Variants in RPL19 observed in about 807,000 individuals in gnomAD.
The protein encoded by RPL19 is ribosomal protein L19.
RPL19 carries 2 observed loss-of-function variants against 25.1 expected under a neutral mutation model. The ratio of observed to expected loss-of-function variants is 0.08; its 90% CI spans 0.03 to 0.25. RPL19 has a LOEUF of 0.25. RPL19 is among the 10% of genes least tolerant of loss of function. The pLI is 1.00. For missense variants in RPL19, 123 were observed against 271.8 expected (o/e 0.45, Z 3.85); for synonymous variants, 89 against 91.2 (o/e 0.98, Z 0.14).
chr17:39,202,910 C>G lies in RPL19; in HGVS notation c.236-79C>G, dbSNP rs1183298471. 6 of 1,529,532 alleles carry G rather than the reference C, an allele frequency of 3.9e-6. No homozygotes were observed. The East Asian group carries it at 9.1e-5, about 23-fold the overall frequency. The allele number at this position is 1,529,532 out of a possible 1,614,324, so 94.7% of individuals were successfully genotyped here. ...GGATTAAATGAGTTAAGGACCCTGA[C>G]TTGAAACTATATTCACTTGGTGTAC... On this transcript the variant is annotated intron_variant, in intron 3 of 5. Coordinates refer to ENST00000225430, the MANE Select transcript of RPL19 (RefSeq NM_000981.4).
chr17:39,202,714 C>T (rs1036049072), intron 3 of RPL19: 7 of 590,266 alleles, frequency 1.2e-5, no homozygotes, highest in Middle Eastern at 4.4e-4. Flanking sequence ...CTCCTTACAA[C>T]GTGCTGTGTT....
chr17:39,200,676 C>A (rs906396962), intron 1 of RPL19: 3 of 1,119,260 alleles, frequency 2.7e-6, no homozygotes, highest in Non-Finnish European at 3.3e-6. Context: ...GGAGCGGAGC[C>A]GATCTCTGCT....
intron 1 of RPL19, 146 bp downstream of exon 1, chr17:39,200,495 T>A (rs1015108193): frequency 3.9e-6 from 5 of 1,296,692 alleles, no homozygotes; most frequent in Non-Finnish European, 4.9e-6. Context: ...CGGAGCACTT[T>A]CGTCCCGGGC....
chr17:39,202,471 A>G lies in RPL19; in HGVS notation c.235+32A>G, dbSNP rs770230570. 4.3e-6 allele frequency: 7 copies of G among 1,613,352 alleles called. No individual in the cohort carries two copies. In the East Asian group the frequency reaches 1.6e-4, roughly 36 times the overall value. ...GTGGTCATCTTCTCCTTAAGAAATG[A>G]TAGGTGCTGGCATCTATGCTGAAAT... is the stretch of plus-strand genomic sequence containing the variant. On this transcript the variant is annotated intron_variant, in intron 3 of 5. Transcript: ENST00000225430.
intron 4 of RPL19, 114 bp downstream of exon 4, chr17:39,203,223 C>T (rs1201614498): frequency 2.5e-6 from 3 of 1,185,984 alleles, no homozygotes; most frequent in Non-Finnish European, 3.5e-6. Flanking sequence ...GCTCTGTCAC[C>T]CAGGCTGGAG....
chr17:39,204,166 A>C lies in RPL19; in HGVS notation c.446A>C (p.Lys149Thr). Reference protein sequence around the residue: ...MEHIHKLKADKARKKLLADQA... With the variant: ...MEHIHKLKADTARKKLLADQA... ...CACATCCACAAGCTGAAGGCAGACA[A>C]GGCCCGCAAGAAGCTCCTGGCGTAA... is the stretch of plus-strand genomic sequence containing the variant. The change falls in exon 5 of 6, where the codon AAG becomes ACG. Residue 149 changes from lysine (K) to threonine (T), a missense_variant. Transcript: ENST00000225430. 1 of 1,610,352 alleles carries C rather than the reference A, an allele frequency of 6.2e-7. No individual in the cohort carries two copies. Among genetic ancestry groups the C allele is most frequent in the Non-Finnish European group, 8.5e-7 (1 of 1,176,632 alleles).
intron 2 of RPL19, 44 bp downstream of exon 2, chr17:39,201,363 C>T (rs1428633558): frequency 1.8e-6 from 2 of 1,122,202 alleles, no homozygotes; most frequent in Admixed American, 3.9e-5. Flanking sequence ...TCCTTCTTTT[C>T]TCCTGCGTCA....
chr17:39,200,466 C>A, intron 1 of RPL19, 117 bp downstream of exon 1: 1 of 1,328,594 alleles, frequency 7.5e-7, no homozygotes, highest in South Asian at 1.9e-5. Flanking sequence ...AGCGGCCGGT[C>A]CCGGGGTTTG....
chr17:39,204,227 C>G (rs775317179), intron 5 of RPL19, 40 bp downstream of exon 5: 13 of 1,260,416 alleles, frequency 1.0e-5, no homozygotes, highest in Non-Finnish European at 1.5e-5. Flanking sequence ...CATTCTTAGA[C>G]CTTTGAGAGT....
rs1597725740 is a variant in RPL19, at chr17:39,201,130, C to T, written c.6-83C>T. The T allele has an allele frequency of 3.4e-6, 3 of 876,766 alleles. 1 individual carries two copies. Among genetic ancestry groups the T allele is most frequent in the Admixed American group, 4.1e-5 (2 of 48,864 alleles). The allele number at this position is 876,766 out of a possible 1,614,324, so 54.3% of individuals were successfully genotyped here. The stretch of plus-strand genomic sequence containing the variant: ...CTTATTTCGCGGCTGTGGTGTGGGT[C>T]ACAAAGGGCAGGTCTTGATGGGGAC... On this transcript the variant is annotated intron_variant, in intron 1 of 5. Transcript: ENST00000225430.
Position 39,204,687 on chromosome 17 carries a change from T to G in RPL19, c.*39T>G, listed in dbSNP as rs769251034. On this transcript the variant is annotated 3_prime_UTR_variant, in exon 6 of 6. Transcript: ENST00000225430. Reference sequence around the variant, plus strand: ...GTCTGTACATACTGGCCTCTGTGATTACATAGATCAGCCATTAAAATAAAA... The same window carrying G: ...GTCTGTACATACTGGCCTCTGTGATGACATAGATCAGCCATTAAAATAAAA... 1 of 1,590,450 alleles carries G rather than the reference T, an allele frequency of 6.3e-7. No homozygotes were observed. The highest frequency in any genetic ancestry group is 8.6e-7 in the Non-Finnish European group (1 of 1,163,704).
intron 3 of RPL19, 75 bp downstream of exon 3, chr17:39,202,514 A>G: frequency 6.5e-7 from 1 of 1,546,454 alleles, no homozygotes; most frequent in Non-Finnish European, 8.9e-7. Context: ...GGATCTAAGC[A>G]CTCTGTCTCA....
Position 39,203,071 on chromosome 17 carries a change from C to T in RPL19, c.318C>T (p.Leu106=). 3 of 1,613,182 alleles carry T rather than the reference C, an allele frequency of 1.9e-6. No homozygotes were observed. Among genetic ancestry groups the T allele is most frequent in the Non-Finnish European group, 1.7e-6 (2 of 1,179,700 alleles). Residue 106 remains leucine (L), a synonymous_variant, in exon 4 of 6, where the codon CTC becomes CTT. Coordinates refer to ENST00000225430, the MANE Select transcript of RPL19 (RefSeq NM_000981.4). ...MRRMRILRRL[L]RRYRESKKID... ...GAATGAGGATTTTGCGCCGGCTGCT[C>T]AGAAGATACCGTGAATCTAAGAAGA...
rs533765123 is a variant in RPL19 at position 39,203,216 on chromosome 17, C to G, written c.356+107C>G. ...TTTTTTTTTGAGATGGAGTCTTGCTCTGTCACCCAGGCTGGAGTGCAGTGG... is the reference window on the plus strand; with the variant it reads ...TTTTTTTTTGAGATGGAGTCTTGCTGTGTCACCCAGGCTGGAGTGCAGTGG... On this transcript the variant is annotated intron_variant, in intron 4 of 5. Coordinates refer to ENST00000225430, the MANE Select transcript of RPL19 (RefSeq NM_000981.4). 925 of 1,198,368 alleles carry G rather than the reference C, an allele frequency of 7.7e-4. 3 individuals are homozygous for G. The highest frequency in any genetic ancestry group is 8.9e-4 in the Non-Finnish European group (782 of 879,692). The allele number at this position is 1,198,368 out of a possible 1,614,324, so 74.2% of individuals were successfully genotyped here.
intron 4 of RPL19, among the ~76,000 whole-genome samples, chr17:39,203,475 G>A (rs1390361476): frequency 3.5e-5 from 5 of 144,272 alleles, no homozygotes; most frequent in African/African-American, 5.2e-5. Context: ...GCCACCACGC[G>A]TGGCCCACAG....
intron 1 of RPL19, 103 bp from the exon 2 acceptor site, chr17:39,201,110 T>C (rs1255315880): frequency 1.3e-6 from 1 of 762,922 alleles, no homozygotes; most frequent in Non-Finnish European, 2.3e-6. Flanking sequence ...AGAGTCTTAT[T>C]TCGCGGCTGT....
At chr17:39,200,425 G>A in intron 1 of RPL19, 76 bp downstream of exon 1, 1 of 1,402,882 alleles carries the variant, frequency 7.1e-7, no homozygotes, top group East Asian at 2.9e-5. Flanking sequence ...CGCAGCTGGG[G>A]TTGGGGGAGA....
chr17:39,202,223 C>T, intron 2 of RPL19, 94 bp from the exon 3 acceptor site: 1 of 1,499,634 alleles, frequency 6.7e-7, no homozygotes, highest in Non-Finnish European at 9.2e-7. Flanking sequence ...ACCGTGGGGC[C>T]AAGAATGTGA....
chr17:39,200,293 G>T lies in RPL19; in HGVS notation c.-52G>T. 4.0e-6 allele frequency: 6 copies of T among 1,500,300 alleles called. No homozygotes were observed. The highest frequency in any genetic ancestry group is 5.3e-6 in the Non-Finnish European group (6 of 1,123,100). 92.9% of individuals were successfully genotyped at this position (1,500,300 alleles called of 1,614,324 possible). A position where few individuals can be genotyped will look rare whatever the true frequency, so the allele number is the denominator to read the frequency against. On this transcript the variant is annotated 5_prime_UTR_variant, in exon 1 of 6. The change creates a premature stop within an existing upstream ORF in the 5' untranslated region. Coordinates refer to ENST00000225430, the MANE Select transcript of RPL19 (RefSeq NM_000981.4). Reference sequence around the variant, plus strand: ...TGGGCTCTCCCCTTCGCAGATAATGGGAGGAGCCGGGCCCGAGCGAGCTCT... The same window carrying T: ...TGGGCTCTCCCCTTCGCAGATAATGTGAGGAGCCGGGCCCGAGCGAGCTCT...
Sources: allele counts gnomAD v4.1 joint callset (sites outside exome capture counted in the v4.1 genomes callset), GRCh38; gene constraint gnomAD v4.1.1; transcripts MANE v1.5; gene names NCBI Gene and HGNC (gene_info 2026-07-23, HGNC 2026-07-21).